SLFN12L: variants seen among roughly 807,000 people sequenced by gnomAD.
The protein encoded by SLFN12L is schlafen family member 12 like.
SLFN12L carries 34 observed loss-of-function variants against 34.8 expected under a neutral mutation model. That is an observed-to-expected ratio of 0.98 (90% CI 0.74 to 1.30). The LOEUF (loss-of-function observed/expected upper bound fraction) is 1.30, where lower values mean the gene tolerates loss of function less well. Among genes scored for constraint, SLFN12L ranks in the 50% most tolerant of loss-of-function variants. The pLI is 0.00. For synonymous variants in SLFN12L, 259 were observed against 247.5 expected, an observed-to-expected ratio of 1.05 and a Z score of -0.44; for missense variants, 703 against 696.2, an observed-to-expected ratio of 1.01 and a Z score of -0.11.
Position 35,479,420 on chromosome 17 carries a change from C to A in SLFN12L, c.862G>T (p.Glu288Ter). 6.2e-7 allele frequency: 1 copy of A among 1,613,926 alleles called. No homozygotes were observed. Among genetic ancestry groups the A allele is most frequent in the Non-Finnish European group, 8.5e-7 (1 of 1,179,876 alleles). Residue 288 changes from glutamate to a stop codon, truncating the protein, a stop_gained, in exon 3 of 5, where the codon GAA becomes TAA. Coordinates refer to ENST00000628453, the MANE Select transcript of SLFN12L (RefSeq NM_001363830.2). LOFTEE classifies it high-confidence loss of function. ...YLFVGLNEDK[E>*]VIGFKAEKSY... ...TTCTCTGCTTTAAAGCCAATTACTT[C>A]TTTATCTTCATTTAGACCAACGAAT...
rs1013280160 is a variant in SLFN12L at position 35,490,335 on chromosome 17, C to T, written c.87-10140G>A. On this transcript the variant is annotated intron_variant, in intron 2 of 4. Coordinates refer to ENST00000628453, the MANE Select transcript of SLFN12L (RefSeq NM_001363830.2). ...CCAGATACTCCAAAAACTCCAAAAT[C>T]TACCTCAGAAAAAACACGGTACGAT... is the stretch of plus-strand genomic sequence containing the variant. 4.3e-6 allele frequency: 6 copies of T among 1,399,294 alleles called. No homozygotes were observed. The Admixed American group carries it at 5.0e-5, about 12-fold the overall frequency. 86.7% of individuals were successfully genotyped at this position (1,399,294 alleles called of 1,614,324 possible).
intron 2 of SLFN12L, among the ~76,000 whole-genome samples, chr17:35,512,112 G>A (rs1389507143): frequency 1.3e-5 from 2 of 151,428 alleles, no homozygotes; most frequent in East Asian, 1.9e-4. Flanking sequence ...ACAGAAAGTG[G>A]CAATTGTGTT....
intron 2 of SLFN12L, among the ~76,000 whole-genome samples, chr17:35,486,542 T>C (rs1477012288): frequency 1.3e-5 from 2 of 152,138 alleles, no homozygotes; most frequent in Non-Finnish European, 2.9e-5. Flanking sequence ...AAACTTTCCA[T>C]GGTTCAAAAC....
chr17:35,498,356 G>A lies in SLFN12L; in HGVS notation c.87-18161C>T, dbSNP rs1035104591. 2.1e-5 allele frequency: 22 copies of A among 1,028,194 alleles called. 3 individuals carry two copies. The South Asian group carries it at 2.7e-4, about 12-fold the overall frequency. 63.7% of individuals were successfully genotyped at this position (1,028,194 alleles called of 1,614,324 possible). ...CTGAAGAGTTGGCGGCCAATCTCAC[G>A]GTACACAGAGAATCTCATTGTGCCG... On this transcript the variant is annotated intron_variant, in intron 2 of 4. Transcript: ENST00000628453.
At chr17:35,519,820 C>G (rs34240477) in intron 2 of SLFN12L, among the ~76,000 whole-genome samples, 1 of 152,082 alleles carries the variant, frequency 6.6e-6, no homozygotes, top group African/African-American at 2.4e-5. Context: ...AAATAAAATC[C>G]TAAGCCCCCC....
rs1009607794 is a variant in SLFN12L, at chr17:35,475,001, C to T, written c.1761G>A (p.Glu587=). ...AACAAACAAACAAAAAGATTTGATT[C>T]TCCTTAGGTAAGATATTTGAAAGGG... is the stretch of plus-strand genomic sequence containing the variant. ...EKALSNILPK[E]NQIFLFVCLF... The change falls in exon 5 of 5, where the codon GAG becomes GAA. Residue 587 remains glutamate (E), a synonymous_variant. Transcript: ENST00000628453. 2 of 1,575,564 alleles carry T rather than the reference C, an allele frequency of 1.3e-6. No homozygotes were observed. The highest frequency in any genetic ancestry group is 1.4e-5 in the African/African-American group (1 of 73,392).
intron 2 of SLFN12L, among the ~76,000 whole-genome samples, chr17:35,491,598 T>C (rs1914839988): frequency 6.6e-6 from 1 of 152,178 alleles, no homozygotes; most frequent in Non-Finnish European, 1.5e-5. Flanking sequence ...GGCTGCAGAA[T>C]GGGGTCTGGC....
chr17:35,511,337 A>G (rs1915637624), intron 2 of SLFN12L, among the ~76,000 whole-genome samples: 1 of 152,228 alleles, frequency 6.6e-6, no homozygotes, highest in Admixed American at 6.5e-5. Flanking sequence ...TGTTTCAACA[A>G]GGTCAGAAAG....
At position 35,479,973 on chromosome 17, in the gene SLFN12L, A is replaced by G. The variant is rs1040792197; in HGVS notation, c.309T>C (p.Ala103=). Residue 103 remains alanine, a synonymous_variant, in exon 3 of 5, where the codon GCT becomes GCC. Coordinates refer to ENST00000628453, the MANE Select transcript of SLFN12L (RefSeq NM_001363830.2). ...LLNSGGGVIK[A]EVENKGYSYK... is the part of the protein sequence containing the mutation. ...AACTATAGCCTTTATTCTCAACTTCAGCCTTGATCACTCCCCCTCCAGAAT... is the reference window on the plus strand; with the variant it reads ...AACTATAGCCTTTATTCTCAACTTCGGCCTTGATCACTCCCCCTCCAGAAT... 1.2e-6 allele frequency: 2 copies of G among 1,614,068 alleles called. No individual in the cohort carries two copies. Among genetic ancestry groups the G allele is most frequent in the Non-Finnish European group, 1.7e-6 (2 of 1,180,028 alleles).
At chr17:35,534,967 A>C (rs2072444828) in intron 1 of SLFN12L, among the ~76,000 whole-genome samples, 1 of 152,226 alleles carries the variant, frequency 6.6e-6, no homozygotes. Flanking sequence ...GGTGCTCCTC[A>C]TGAGCTGAAA....
chr17:35,464,345 TATAC>T lies in SLFN12L; in HGVS notation c.*10574_*10577del, dbSNP rs1170864878. ...GTAAACATGTGTCATGGGGTTTTGT[TATAC>T]ATATTATTTCATCACCCAGGTATTA... On this transcript the variant is annotated 3_prime_UTR_variant, in exon 5 of 5. Coordinates refer to ENST00000628453, the MANE Select transcript of SLFN12L (RefSeq NM_001363830.2). 1.3e-5 allele frequency: 2 copies of T among 152,192 alleles called. No individual in the cohort carries two copies. Among genetic ancestry groups the T allele is most frequent in the Non-Finnish European group, 2.9e-5 (2 of 68,036 alleles). The allele number at this position is 152,192 out of a possible 1,614,324, so 9.4% of individuals were successfully genotyped here.
chr17:35,523,580 T>C (rs2072303649), intron 1 of SLFN12L, among the ~76,000 whole-genome samples: 1 of 152,196 alleles, frequency 6.6e-6, no homozygotes, highest in Admixed American at 6.5e-5. Flanking sequence ...AGTCTTCTCT[T>C]TGTCACAGGC....
In SLFN12L at chr17:35,475,180, C is replaced by A. The variant is rs1393273002; in HGVS notation, c.1582G>T (p.Gly528Cys). 8 of 1,614,136 alleles carry A rather than the reference C, an allele frequency of 5.0e-6. No individual in the cohort carries two copies. In the East Asian group the frequency reaches 1.3e-4, roughly 27 times the overall value. The change falls in exon 5 of 5, where the codon GGT becomes TGT. Residue 528 changes from glycine to cysteine, a missense_variant. Coordinates refer to ENST00000628453, the MANE Select transcript of SLFN12L (RefSeq NM_001363830.2). ...QTLKQKLAKI[G>C]GYTKKVCVMT... ...ACACACACTTTTTTAGTGTAACCAC[C>A]AATTTTTGCCAGCTTCTGTTTTAAA...
chr17:35,493,479 A>C (rs146539523), intron 2 of SLFN12L, among the ~76,000 whole-genome samples: 1 of 152,320 alleles, frequency 6.6e-6, no homozygotes, highest in Non-Finnish European at 1.5e-5. Flanking sequence ...TTTTGTTGAA[A>C]TTGTTCATAA....
At position 35,471,878 on chromosome 17, in the gene SLFN12L, A is replaced by T. The variant is rs1381073252; in HGVS notation, c.*3045T>A. ...AAATGTCTTCTTTTGAGAAATGTCT[A>T]TTCATATCCTTTATCCACTTTTCAA... On this transcript the variant is annotated 3_prime_UTR_variant, in exon 5 of 5. Transcript: ENST00000628453. Among the ~76,000 whole-genome samples the T allele has an allele frequency of 6.6e-6, 1 of 151,842 alleles. No individual in the cohort carries two copies. The highest frequency in any genetic ancestry group is 2.4e-5 in the African/African-American group (1 of 41,326).
chr17:35,503,595 G>A (rs992684866), intron 2 of SLFN12L, among the ~76,000 whole-genome samples: 2 of 152,098 alleles, frequency 1.3e-5, no homozygotes, highest in Admixed American at 6.6e-5. Context: ...GGTACTAAAG[G>A]AAATTTCGTA....
rs551734701 is a variant in SLFN12L, at chr17:35,522,284, G to A, written c.81C>T (p.Phe27=). 1.3e-4 allele frequency: 208 copies of A among 1,614,144 alleles called. 2 individuals carry two copies. In the South Asian group the frequency reaches 2.1e-3, roughly 16 times the overall value. The change falls in exon 2 of 5, where the codon TTC becomes TTT. Residue 27 remains phenylalanine, a synonymous_variant. Coordinates refer to ENST00000628453, the MANE Select transcript of SLFN12L (RefSeq NM_001363830.2). ...YICESQFLRN[F]IRKEFLRGNG... Reference sequence around the variant, plus strand: ...CATAAGGTCCAACTGCTTACCTGATGAAATTCCTCAGAAACTGACTTTCAC... The same window carrying A: ...CATAAGGTCCAACTGCTTACCTGATAAAATTCCTCAGAAACTGACTTTCAC...
intron 2 of SLFN12L, among the ~76,000 whole-genome samples, chr17:35,501,422 G>T (rs1915292426): frequency 6.6e-6 from 1 of 152,164 alleles, no homozygotes; most frequent in Non-Finnish European, 1.5e-5. Context: ...CCGGCACTTT[G>T]GTTTTTGTTT....
At position 35,465,017 on chromosome 17, in the gene SLFN12L, C is replaced by T. The variant is rs71381448; in HGVS notation, c.*9906G>A. ...TCAGCTTCCCAAGTAGCTGGGACTA[C>T]GGGAGCACACCACCACATCCAGCTA... On this transcript the variant is annotated 3_prime_UTR_variant, in exon 5 of 5. Coordinates refer to ENST00000628453, the MANE Select transcript of SLFN12L (RefSeq NM_001363830.2). 5.5e-3 allele frequency among the ~76,000 whole-genome samples: 840 copies of T among 152,220 alleles called. 7 individuals are homozygous for T. Among genetic ancestry groups the T allele is most frequent in the African/African-American group, 0.019 (770 of 41,530 alleles).
Sources: gnomAD v4.1 joint callset for allele counts (sites outside exome capture counted in the v4.1 genomes callset) on GRCh38, gnomAD v4.1.1 for gene constraint, MANE v1.5 for transcripts, NCBI Gene and HGNC (gene_info 2026-07-23, HGNC 2026-07-21) for gene names.